The following ATF2 variants were observed in gnomAD, a reference collection of about 807,000 sequenced individuals.
ATF2 encodes the protein cyclic AMP-dependent transcription factor ATF-2.
A neutral mutation model predicts 60.6 loss-of-function variants in ATF2; 24 were observed. The ratio of observed to expected loss-of-function variants is 0.40; its 90% CI spans 0.29 to 0.56. The LOEUF (loss-of-function observed/expected upper bound fraction) is 0.56. ATF2 is among the 20% of genes least tolerant of loss of function. The pLI is 0.54. For missense variants in ATF2, 433 were observed against 607.7 expected, an observed-to-expected ratio of 0.71 and a Z score of 3.02; for synonymous variants, 206 against 215.4, an observed-to-expected ratio of 0.96 and a Z score of 0.38.
chr2:175,160,130 A>T (rs887949088), intron 1 of ATF2, among the ~76,000 whole-genome samples: 1 of 152,214 alleles, frequency 6.6e-6, no homozygotes, highest in Non-Finnish European at 1.5e-5. Flanking sequence ...CACGCCTGTA[A>T]CCCCAGCGCT....
intron 1 of ATF2, among the ~76,000 whole-genome samples, chr2:175,161,148 G>A (rs1700003996): frequency 6.6e-6 from 1 of 152,154 alleles, no homozygotes; most frequent in Non-Finnish European, 1.5e-5. Flanking sequence ...TGTCTGAGAA[G>A]GGGTACATAT....
intron 3 of ATF2, among the ~76,000 whole-genome samples, chr2:175,132,384 T>A (rs1216096419): frequency 6.6e-6 from 1 of 152,240 alleles, no homozygotes; most frequent in Non-Finnish European, 1.5e-5. Context: ...CTGCGAGTTT[T>A]AATGATGAGT....
intron 12 of ATF2, among the ~76,000 whole-genome samples, chr2:175,087,082 A>G (rs894099848): frequency 6.6e-6 from 1 of 152,138 alleles, no homozygotes; most frequent in Admixed American, 6.6e-5. Context: ...AAAAAAATGT[A>G]TACCTCTTAC....
At chr2:175,095,090 C>T (rs148314802) in intron 11 of ATF2, among the ~76,000 whole-genome samples, 6 of 151,754 alleles carry the variant, frequency 4.0e-5, no homozygotes, top group Admixed American at 6.6e-5. Flanking sequence ...CTTCATCCTC[C>T]TATTTTTCTT....
chr2:175,143,990 C>T (rs962047071), intron 2 of ATF2, among the ~76,000 whole-genome samples: 2 of 152,080 alleles, frequency 1.3e-5, no homozygotes, highest in Non-Finnish European at 2.9e-5. Flanking sequence ...GACAGGATCT[C>T]CCTATGTTTC....
chr2:175,155,711 C>T (rs1247520557), intron 1 of ATF2, among the ~76,000 whole-genome samples: 2 of 151,804 alleles, frequency 1.3e-5, no homozygotes, highest in Non-Finnish European at 2.9e-5. Flanking sequence ...TTGGAGAAGT[C>T]GAAAGAAAAT....
At chr2:175,160,277 C>T (rs1559128306) in intron 1 of ATF2, among the ~76,000 whole-genome samples, 1 of 152,166 alleles carries the variant, frequency 6.6e-6, no homozygotes, top group Non-Finnish European at 1.5e-5. Context: ...CCCAGCTACT[C>T]GGGAGGCTGA....
At chr2:175,095,439 TAA>T (rs1418337481) in intron 11 of ATF2, among the ~76,000 whole-genome samples, 1 of 152,234 alleles carries the variant, frequency 6.6e-6, no homozygotes, top group African/African-American at 2.4e-5. Flanking sequence ...TCTGGCTGAA[TAA>T]GAGAGAACAG....
chr2:175,087,447 G>C (rs1694247107), intron 12 of ATF2, among the ~76,000 whole-genome samples: 1 of 152,098 alleles, frequency 6.6e-6, no homozygotes, highest in African/African-American at 2.4e-5. Context: ...TTACATAGCA[G>C]CAGACAAATT....
intron 3 of ATF2, among the ~76,000 whole-genome samples, chr2:175,134,393 A>G (rs1230861185): frequency 1.3e-5 from 2 of 152,178 alleles, no homozygotes; most frequent in Admixed American, 1.3e-4. Context: ...GTATATCTAA[A>G]AAAAACGACT....
intron 10 of ATF2, among the ~76,000 whole-genome samples, chr2:175,108,605 G>A (rs1197570989): frequency 6.6e-6 from 1 of 151,792 alleles, no homozygotes; most frequent in African/African-American, 2.4e-5. Context: ...GGTGGGGGGC[G>A]CCTCTGCCCG....
chr2:175,116,921 A>T (rs1696614782), intron 7 of ATF2, among the ~76,000 whole-genome samples: 1 of 152,012 alleles, frequency 6.6e-6, no homozygotes, highest in Non-Finnish European at 1.5e-5. Flanking sequence ...TCATATAATA[A>T]AATAAAGTAC....
chr2:175,148,532 C>T (rs949296710), intron 2 of ATF2, among the ~76,000 whole-genome samples: 6 of 152,122 alleles, frequency 3.9e-5, no homozygotes, highest in South Asian at 2.1e-4. Context: ...AAAGTTAACC[C>T]GAAAAACTAG....
chr2:175,138,037 G>A (rs1698255752), intron 2 of ATF2, among the ~76,000 whole-genome samples: 2 of 152,128 alleles, frequency 1.3e-5, no homozygotes, highest in Non-Finnish European at 2.9e-5. Context: ...AGGTTTTGCT[G>A]AGCTATAGAT....
intron 2 of ATF2, among the ~76,000 whole-genome samples, chr2:175,141,209 T>A (rs115799270): frequency 0.039 from 5,982 of 151,446 alleles, 141 homozygotes; most frequent in Admixed American, 0.093. Flanking sequence ...ATAAATGGTA[T>A]CTGTCAATTA....
Position 175,142,617 on chromosome 2 carries a change from T to C in ATF2, c.-43-6131A>G, listed in dbSNP as rs538609000. Among the ~76,000 whole-genome samples the C allele has an allele frequency of 2.6e-5, 4 of 151,916 alleles. No homozygotes were observed. In the East Asian group the frequency reaches 7.7e-4, roughly 29 times the overall value. On this transcript the variant is annotated intron_variant, in intron 2 of 13. Transcript: ENST00000264110. ...TTTGTTTGTGACAACATATAGCAAT[T>C]TCTGCTATTAGGTATCCTGTATAAA...
At chr2:175,162,824 GT>G (rs1260918264) in intron 1 of ATF2, among the ~76,000 whole-genome samples, 1 of 152,062 alleles carries the variant, frequency 6.6e-6, no homozygotes, top group African/African-American at 2.4e-5. Flanking sequence ...TAAAAAAATT[GT>G]TCCGACACGT....
At chr2:175,086,911 G>A (rs761919798) in intron 12 of ATF2, among the ~76,000 whole-genome samples, 2 of 151,888 alleles carry the variant, frequency 1.3e-5, no homozygotes, top group Non-Finnish European at 2.9e-5. Flanking sequence ...AGAGAGAAGG[G>A]GCTGCTACAC....
At chr2:175,113,257 A>G (rs897698273) in intron 9 of ATF2, among the ~76,000 whole-genome samples, 4 of 151,810 alleles carry the variant, frequency 2.6e-5, no homozygotes, top group African/African-American at 9.7e-5. Context: ...TTAAATGTTC[A>G]TTAAACTATT....
Sources: gnomAD v4.1 joint callset for allele counts (sites outside exome capture counted in the v4.1 genomes callset) on GRCh38, gnomAD v4.1.1 for gene constraint, MANE v1.5 for transcripts, NCBI Gene and HGNC (gene_info 2026-07-23, HGNC 2026-07-21) for gene names.